Variants in PCDH7 observed in about 807,000 individuals in gnomAD.
The protein encoded by PCDH7 is protocadherin 7.
Under a neutral mutation model 58.9 loss-of-function variants are expected in PCDH7, and 17 were observed. The observed-to-expected ratio is 0.29, with a 90% confidence interval of 0.20 to 0.43. The LOEUF (loss-of-function observed/expected upper bound fraction) is 0.43. PCDH7 is among the 20% of genes least tolerant of loss of function. PCDH7 has a pLI of 1.00. For missense variants in PCDH7, 1,274 were observed against 1,441.0 expected (o/e 0.88, Z 1.88); for synonymous variants, 664 against 616.4 (o/e 1.08, Z -1.14).
intron 3 of PCDH7, among the ~76,000 whole-genome samples, chr4:30,999,685 G>T (rs1752198169): frequency 6.6e-6 from 1 of 152,102 alleles, no homozygotes; most frequent in Non-Finnish European, 1.5e-5. Flanking sequence ...GCACTGTAAT[G>T]TTTTGCTATC....
At chr4:30,918,261 A>T (rs1413644089) in intron 1 of PCDH7, among the ~76,000 whole-genome samples, 1 of 152,084 alleles carries the variant, frequency 6.6e-6, no homozygotes, top group Non-Finnish European at 1.5e-5. Context: ...ATGTGGTTTT[A>T]GGAGACTGTC....
chr4:31,043,295 T>C (rs1756029953), intron 3 of PCDH7, among the ~76,000 whole-genome samples: 1 of 152,160 alleles, frequency 6.6e-6, no homozygotes, highest in South Asian at 2.1e-4. Flanking sequence ...TTTGGGTATA[T>C]ACCCAGAAAT....
At chr4:30,831,110 C>G (rs1300575412) in intron 1 of PCDH7, among the ~76,000 whole-genome samples, 2 of 152,092 alleles carry the variant, frequency 1.3e-5, no homozygotes, top group African/African-American at 4.8e-5. Context: ...TCTTTACCCT[C>G]CCAGGCACTG....
intron 2 of PCDH7, among the ~76,000 whole-genome samples, chr4:30,949,365 G>T (rs1280719997): frequency 2.6e-5 from 4 of 151,950 alleles, no homozygotes; most frequent in African/African-American, 9.7e-5. Flanking sequence ...TTTTGCAGTG[G>T]TAGTATTGCA....
intron 1 of PCDH7, among the ~76,000 whole-genome samples, chr4:30,771,378 G>A (rs139589959): frequency 5.6e-4 from 85 of 152,178 alleles, no homozygotes; most frequent in African/African-American, 1.9e-3. Flanking sequence ...CTATCCAAAC[G>A]CATTCAGCAA....
At chr4:30,852,829 GAAAAAAAAA>G (rs58210433) in intron 1 of PCDH7, among the ~76,000 whole-genome samples, 7 of 74,610 alleles carry the variant, frequency 9.4e-5, no homozygotes, top group African/African-American at 3.4e-4. Context: ...TCAAGCACAG[GAAAAAAAAA>G]AAAAAAAAAA....
At chr4:30,968,351 TAC>T (rs71190481) in intron 3 of PCDH7, among the ~76,000 whole-genome samples, 26,279 of 73,628 alleles carry the variant, frequency 0.36, 4,899 homozygotes, top group African/African-American at 0.39. Context: ...TATATATATA[TAC>T]ACACACTATA....
chr4:31,120,577 A>G (rs985020701), intron 3 of PCDH7, among the ~76,000 whole-genome samples: 8 of 151,558 alleles, frequency 5.3e-5, no homozygotes, highest in Admixed American at 4.0e-4. Flanking sequence ...TCCCTTTCTT[A>G]AATTCATATT....
In PCDH7 at chr4:30,747,488, T is replaced by C. The variant is rs79726846; in HGVS notation, c.70+22892T>C. ...TTTCTGTAGTGTCAAGAGGAGAATC[T>C]GTTTTCTTGTCTTCTCTAGCTTCTA... On this transcript the variant is annotated intron_variant, in intron 1 of 3. Coordinates refer to the PCDH7 transcript ENST00000509759. Among the ~76,000 whole-genome samples, 653 of 152,288 alleles carry C rather than the reference T, an allele frequency of 4.3e-3. 12 individuals are homozygous for C. In the East Asian group the frequency reaches 0.067, roughly 16 times the overall value.
chr4:31,136,510 G>A (rs554724043), intron 3 of PCDH7, among the ~76,000 whole-genome samples: 70 of 152,266 alleles, frequency 4.6e-4, no homozygotes, highest in African/African-American at 1.7e-3. Context: ...TGATTGATTA[G>A]CCAGTGTTCC....
chr4:30,740,439 T>A lies in PCDH7; in HGVS notation c.70+15843T>A, dbSNP rs147148102. ...TCCTGTGCTTTTGGGAAACACTTCA[T>A]AAAATATTTTTTCTTTTTCATTATT... On this transcript the variant is annotated intron_variant, in intron 1 of 3. Transcript: ENST00000509759. Among the ~76,000 whole-genome samples, 629 of 152,310 alleles carry A rather than the reference T, an allele frequency of 4.1e-3. 4 individuals are homozygous for A. The highest frequency in any genetic ancestry group is 0.014 in the African/African-American group (583 of 41,574).
At chr4:30,867,710 A>G (rs1353796087) in intron 1 of PCDH7, among the ~76,000 whole-genome samples, 1 of 152,064 alleles carries the variant, frequency 6.6e-6, no homozygotes, top group African/African-American at 2.4e-5. Context: ...GAAAACAGAC[A>G]TGCAGTGTGA....
intron 3 of PCDH7, among the ~76,000 whole-genome samples, chr4:31,102,597 G>A (rs1305906743): frequency 6.6e-6 from 1 of 151,392 alleles, no homozygotes; most frequent in Non-Finnish European, 1.5e-5. Context: ...TGGTGGAACC[G>A]GGGAGGTGAA....
rs377015548 is a variant in PCDH7 at position 31,024,403 on chromosome 4, A to G, written c.*7+74188A>G. ...CAATGTTCCTGGTTCAGTGCCAGAA[A>G]TATATTAGGCTCTCCTTAAAAATGG... On this transcript the variant is annotated intron_variant, in intron 3 of 3. Coordinates refer to the PCDH7 transcript ENST00000509759. 1.1e-4 allele frequency among the ~76,000 whole-genome samples: 17 copies of G among 152,308 alleles called. No homozygotes were observed. In the South Asian group the frequency reaches 1.7e-3, roughly 15 times the overall value.
intron 3 of PCDH7, among the ~76,000 whole-genome samples, chr4:31,076,607 A>G (rs1462588370): frequency 6.6e-6 from 1 of 152,230 alleles, no homozygotes; most frequent in African/African-American, 2.4e-5. Context: ...TAAGAAAGCT[A>G]CATTTTATTC....
chr4:31,045,229 T>C (rs926505714), intron 3 of PCDH7, among the ~76,000 whole-genome samples: 8 of 152,206 alleles, frequency 5.3e-5, no homozygotes, highest in Non-Finnish European at 1.2e-4. Context: ...TGAAGTGGAA[T>C]CTCTGATGCT....
At chr4:30,946,225 C>T (rs953309141) in intron 2 of PCDH7, among the ~76,000 whole-genome samples, 1 of 152,126 alleles carries the variant, frequency 6.6e-6, no homozygotes, top group African/African-American at 2.4e-5. Context: ...GGGGAATAAT[C>T]TCTTCTCCTG....
At chr4:30,778,535 T>G in intron 1 of PCDH7, among the ~76,000 whole-genome samples, 1 of 152,142 alleles carries the variant, frequency 6.6e-6, no homozygotes, top group African/African-American at 2.4e-5. Flanking sequence ...TTTTTCAAAC[T>G]CTTCAAAAAT....
intron 1 of PCDH7, among the ~76,000 whole-genome samples, chr4:30,796,948 T>C (rs1724856913): frequency 6.6e-6 from 1 of 152,106 alleles, no homozygotes; most frequent in Admixed American, 6.6e-5. Flanking sequence ...AATTATTAAG[T>C]TGTTGGCGCT....
Sources: allele counts gnomAD v4.1 joint callset (sites outside exome capture counted in the v4.1 genomes callset), GRCh38; gene constraint gnomAD v4.1.1; transcripts MANE v1.5; gene names NCBI Gene and HGNC (gene_info 2026-07-23, HGNC 2026-07-21).